GRIN2A: variants seen among roughly 807,000 people sequenced by gnomAD.
The protein encoded by GRIN2A is glutamate ionotropic receptor NMDA type subunit 2A.
A neutral mutation model predicts 113.4 loss-of-function variants in GRIN2A; 22 were observed. The ratio of observed to expected loss-of-function variants is 0.19; its 90% CI spans 0.14 to 0.28. GRIN2A has a LOEUF of 0.28. GRIN2A is among the 10% of genes least tolerant of loss of function. The pLI is 1.00. For synonymous variants in GRIN2A, 827 were observed against 738.4 expected (o/e 1.12, Z -1.94); for missense variants, 1,502 against 1,887.0 (o/e 0.80, Z 3.78).
chr16:9,890,947 C>T (rs765316223), intron 4 of GRIN2A, 39 bp downstream of exon 4: 8 of 1,276,478 alleles, frequency 6.3e-6, no homozygotes, highest in Non-Finnish European at 9.2e-6. Context: ...CCCATGCTTT[C>T]TTCCCTCCCC....
chr16:10,130,422 G>C (rs939929667), intron 2 of GRIN2A, among the ~76,000 whole-genome samples: 1 of 152,304 alleles, frequency 6.6e-6, no homozygotes, highest in South Asian at 2.1e-4. Context: ...GCTCAAAAGG[G>C]CATCTGTGCC....
chr16:10,058,061 C>G (rs2047485214), intron 2 of GRIN2A, among the ~76,000 whole-genome samples: 1 of 152,044 alleles, frequency 6.6e-6, no homozygotes, highest in Non-Finnish European at 1.5e-5. Context: ...TTGAGACAAG[C>G]CTGACCAACG....
chr16:10,000,135 C>G (rs371839433), intron 2 of GRIN2A, among the ~76,000 whole-genome samples: 3 of 152,150 alleles, frequency 2.0e-5, no homozygotes, highest in East Asian at 1.9e-4. Flanking sequence ...TATTATTACA[C>G]TGGGTTGACC....
chr16:10,028,627 C>A (rs1011629355), intron 2 of GRIN2A, among the ~76,000 whole-genome samples: 3 of 152,206 alleles, frequency 2.0e-5, no homozygotes, highest in Admixed American at 2.0e-4. Flanking sequence ...TGAAGAGAAG[C>A]TGCCTGCTGA....
intron 4 of GRIN2A, among the ~76,000 whole-genome samples, chr16:9,867,754 T>C (rs1045963752): frequency 2.0e-5 from 3 of 152,182 alleles, no homozygotes; most frequent in Admixed American, 6.5e-5. Flanking sequence ...TCTGCCAAAA[T>C]GCAAGCTTCT....
intron 4 of GRIN2A, among the ~76,000 whole-genome samples, chr16:9,871,350 C>T (rs775223934): frequency 4.3e-4 from 65 of 150,920 alleles, no homozygotes; most frequent in South Asian, 1.5e-3. Flanking sequence ...TCCTTGAAGA[C>T]ACTTGTCTCT....
intron 8 of GRIN2A, among the ~76,000 whole-genome samples, chr16:9,832,609 G>A (rs1056566827): frequency 1.3e-5 from 2 of 152,042 alleles, no homozygotes; most frequent in Non-Finnish European, 2.9e-5. Flanking sequence ...CTCCTGGCAC[G>A]TAGTACCCAT....
chr16:10,094,026 A>C (rs1214954822), intron 2 of GRIN2A, among the ~76,000 whole-genome samples: 1 of 152,138 alleles, frequency 6.6e-6, no homozygotes, highest in Non-Finnish European at 1.5e-5. Flanking sequence ...CTGTCCTCCT[A>C]CTCCAGGTTT....
chr16:9,814,219 CT>C (rs2042143811), intron 10 of GRIN2A, among the ~76,000 whole-genome samples: 1 of 152,188 alleles, frequency 6.6e-6, no homozygotes, highest in Admixed American at 6.5e-5. Flanking sequence ...AAATTCTCCC[CT>C]GAACCATAAC....
chr16:10,127,688 CAATA>C (rs2048971096), intron 2 of GRIN2A, among the ~76,000 whole-genome samples: 1 of 152,162 alleles, frequency 6.6e-6, no homozygotes, highest in African/African-American at 2.4e-5. Context: ...AGCTCACAAT[CAATA>C]AATATTTGTG....
rs1172222657 is a variant in GRIN2A, at chr16:9,763,630, C to G, written c.3914G>C (p.Ser1305Thr). The G allele has an allele frequency of 6.2e-7, 1 of 1,613,100 alleles. No individual in the cohort carries two copies. The highest frequency in any genetic ancestry group is 8.5e-7 in the Non-Finnish European group (1 of 1,179,984). Residue 1305 changes from serine (S) to threonine (T), a missense_variant, in exon 13 of 13, where the codon AGC becomes ACC. Ser to Thr is a moderately conservative substitution (Grantham distance 58). This residue lies in a region of GRIN2A where 832 missense variants were observed against 789.7 expected (regional missense o/e 1.05). Coordinates refer to ENST00000330684, the MANE Select transcript of GRIN2A (RefSeq NM_001134407.3). ...GAGGCTTATGCTCCGGGAGGGCCTG[C>G]TAAGGTCTAGCTCCCTAGGTTTGTC... ...IVDKPRELDL[S>T]RPSRSISLKD...
rs531205073 is a variant in GRIN2A, at chr16:9,776,320, C to T, written c.2357-7231G>A. ...TTGTATAGAATTTGTCACAGTGGAA[C>T]GTAATTGTCACTGGGAGGTGAGTTT... On this transcript the variant is annotated intron_variant, in intron 11 of 12. Coordinates refer to ENST00000330684, the MANE Select transcript of GRIN2A (RefSeq NM_001134407.3). Among the ~76,000 whole-genome samples, 324 of 137,232 alleles carry T rather than the reference C, an allele frequency of 2.4e-3. 1 individual carries two copies. Among genetic ancestry groups the T allele is most frequent in the African/African-American group, 8.5e-3 (308 of 36,312 alleles). 90.0% of individuals were successfully genotyped at this position (137,232 alleles called of 152,430 possible).
At chr16:10,019,605 T>C (rs184607443) in intron 2 of GRIN2A, among the ~76,000 whole-genome samples, 8 of 152,336 alleles carry the variant, frequency 5.3e-5, no homozygotes, top group East Asian at 1.9e-4. Context: ...TGCCCTCAAG[T>C]AGATTAAATC....
chr16:9,807,682 C>T (rs978550428), intron 10 of GRIN2A, among the ~76,000 whole-genome samples: 13 of 152,108 alleles, frequency 8.5e-5, no homozygotes, highest in African/African-American at 2.9e-4. Context: ...CAGAGATCTC[C>T]GCCCAATTTT....
At chr16:9,865,516 T>C (rs1488129394) in intron 4 of GRIN2A, among the ~76,000 whole-genome samples, 1 of 152,230 alleles carries the variant, frequency 6.6e-6, no homozygotes, top group African/African-American at 2.4e-5. Flanking sequence ...AGTTCAACTA[T>C]GATACTTATG....
chr16:9,803,910 C>T (rs1256583402), intron 10 of GRIN2A, among the ~76,000 whole-genome samples: 3 of 152,176 alleles, frequency 2.0e-5, no homozygotes, highest in Non-Finnish European at 4.4e-5. Context: ...GGGGTTTTAG[C>T]TATAAATAAG....
chr16:9,945,366 C>A (rs148068237), intron 2 of GRIN2A, among the ~76,000 whole-genome samples: 1 of 151,922 alleles, frequency 6.6e-6, no homozygotes, highest in Non-Finnish European at 1.5e-5. Context: ...GCAGAAGACA[C>A]ATATGCCAAG....
At chr16:9,855,999 T>A (rs2042960631) in intron 4 of GRIN2A, among the ~76,000 whole-genome samples, 2 of 152,210 alleles carry the variant, frequency 1.3e-5, no homozygotes. Context: ...CATTCCTAGC[T>A]GGGGCACAGT....
chr16:10,019,125 C>A (rs2046667791), intron 2 of GRIN2A, among the ~76,000 whole-genome samples: 2 of 127,698 alleles, frequency 1.6e-5, no homozygotes, highest in Admixed American at 8.0e-5. Flanking sequence ...GGATCTGTGC[C>A]TCAGTTGCCC....
Sources: allele counts gnomAD v4.1 joint callset (sites outside exome capture counted in the v4.1 genomes callset), GRCh38; gene constraint gnomAD v4.1.1; regional missense constraint gnomAD v4.1.1; transcripts MANE v1.5; gene names NCBI Gene and HGNC (gene_info 2026-07-23, HGNC 2026-07-21).